The following GARNL3 variants were observed in gnomAD, a reference collection of about 807,000 sequenced individuals.
GARNL3 encodes the protein GTPase-activating Rap/Ran-GAP domain-like protein 3.
Under a neutral mutation model 125.0 loss-of-function variants are expected in GARNL3, and 63 were observed. The ratio of observed to expected loss-of-function variants is 0.50; its 90% CI spans 0.41 to 0.62. The LOEUF (loss-of-function observed/expected upper bound fraction) is 0.62. GARNL3 is among the 20% of genes least tolerant of loss of function. The probability of loss-of-function intolerance (pLI) is 0.00; values close to 1 mark genes in which losing one functional copy is unlikely to be tolerated. For synonymous variants in GARNL3, 439 were observed against 457.5 expected (o/e 0.96, Z 0.52); for missense variants, 994 against 1,244.0 (o/e 0.80, Z 3.02).
chr9:127,298,436 C>T (rs1302603717), intron 2 of GARNL3, among the ~76,000 whole-genome samples: 1 of 152,200 alleles, frequency 6.6e-6, no homozygotes, highest in African/African-American at 2.4e-5. Context: ...ACTTCAGCCT[C>T]CCAAAGCACT....
At chr9:127,295,206 C>T (rs2064551518) in intron 2 of GARNL3, among the ~76,000 whole-genome samples, 1 of 152,246 alleles carries the variant, frequency 6.6e-6, no homozygotes, top group Admixed American at 6.5e-5. Flanking sequence ...CATGTACTTA[C>T]ATGCCACAGG....
At chr9:127,227,914 T>C (rs1369414432) in intron 1 of GARNL3, among the ~76,000 whole-genome samples, 1 of 152,200 alleles carries the variant, frequency 6.6e-6, no homozygotes, top group Admixed American at 6.5e-5. Flanking sequence ...AGCAAGACCC[T>C]ATCTCAATAA....
upstream of GARNL3, among the ~76,000 whole-genome samples, chr9:127,260,262 C>T (rs1014909119): frequency 1.3e-5 from 2 of 152,110 alleles, no homozygotes; most frequent in Non-Finnish European, 2.9e-5. Flanking sequence ...TAACAGGTTT[C>T]CCAGGATTCC....
upstream of GARNL3, among the ~76,000 whole-genome samples, chr9:127,261,130 C>T (rs2063580049): frequency 6.6e-6 from 1 of 152,010 alleles, no homozygotes; most frequent in African/African-American, 2.4e-5. Context: ...GTGGCGGGCA[C>T]CTGTAATCCC....
At chr9:127,243,926 GGCA>G (rs945808816) in intron 2 of GARNL3, among the ~76,000 whole-genome samples, 14 of 152,288 alleles carry the variant, frequency 9.2e-5, no homozygotes, top group African/African-American at 3.1e-4. Context: ...GGGAATCAAA[GGCA>G]GCCAGATGCA....
chr9:127,362,500 T>C (rs967706127), intron 21 of GARNL3: 1 of 152,246 alleles, frequency 6.6e-6, no homozygotes, highest in African/African-American at 2.4e-5. Context: ...CCAGAGACCA[T>C]GTTCCCACAG....
chr9:127,353,800 G>A (rs372257389), intron 17 of GARNL3, 46 bp from the exon 18 acceptor site: 8 of 1,297,950 alleles, frequency 6.2e-6, no homozygotes, highest in African/African-American at 2.9e-5. Context: ...GTTCTGGAAA[G>A]CGTGGGCTGG....
intron 1 of GARNL3, among the ~76,000 whole-genome samples, chr9:127,224,991 G>C (rs1448904526): frequency 6.8e-6 from 1 of 146,648 alleles, no homozygotes; most frequent in African/African-American, 2.5e-5. Context: ...GCTGGAGTTG[G>C]GAGCGGGGCC....
chr9:127,244,457 T>C (rs904964277), intron 2 of GARNL3, among the ~76,000 whole-genome samples: 3 of 152,186 alleles, frequency 2.0e-5, no homozygotes, highest in Non-Finnish European at 4.4e-5. Context: ...ACGTGAAAAT[T>C]ACCCAGGGTA....
intron 1 of GARNL3, among the ~76,000 whole-genome samples, chr9:127,231,992 T>C (rs540016086): frequency 6.6e-6 from 1 of 152,224 alleles, no homozygotes; most frequent in Non-Finnish European, 1.5e-5. Flanking sequence ...CCAGAATCTT[T>C]CCTGCAACAA....
At chr9:127,329,873 T>C (rs2131555460) in intron 7 of GARNL3, among the ~76,000 whole-genome samples, 1 of 152,278 alleles carries the variant, frequency 6.6e-6, no homozygotes, top group South Asian at 2.1e-4. Flanking sequence ...GGGTCCTTTC[T>C]GGTTTTAGCA....
At chr9:127,339,586 G>A in intron 12 of GARNL3, 59 bp from the exon 13 acceptor site, 1 of 1,227,504 alleles carries the variant, frequency 8.1e-7, no homozygotes. Flanking sequence ...CGATTTGGGT[G>A]GGGACACAGC....
At chr9:127,388,477 C>G in intron 25 of GARNL3, 1 of 205,388 alleles carries the variant, frequency 4.9e-6, no homozygotes, top group East Asian at 1.4e-4. Context: ...CCAGCACATG[C>G]AGTCTTTCAC....
At chr9:127,374,168 G>A (rs1434305679) in intron 22 of GARNL3, among the ~76,000 whole-genome samples, 2 of 152,184 alleles carry the variant, frequency 1.3e-5, no homozygotes, top group East Asian at 3.9e-4. Context: ...AGGCGTGGTG[G>A]CTCATGCCTG....
At chr9:127,245,002 G>A (rs529879023) in intron 2 of GARNL3, among the ~76,000 whole-genome samples, 1 of 151,764 alleles carries the variant, frequency 6.6e-6, no homozygotes. Context: ...AGGACGGGAG[G>A]GAACCCAGGG....
chr9:127,393,152 T>C lies in GARNL3; in HGVS notation c.2940T>C (p.Ser980=). 1 of 1,613,260 alleles carries C rather than the reference T, an allele frequency of 6.2e-7. No individual in the cohort carries two copies. Among genetic ancestry groups the C allele is most frequent in the Non-Finnish European group, 8.5e-7 (1 of 1,179,216 alleles). The stretch of plus-strand genomic sequence containing the variant: ...ACCCTGAGGGGCACTCAGCCAGCTC[T>C]GACCAGGACCCTGTGGCAGACAGAG... The part of the protein sequence containing the change: ...EANPEGHSAS[S]DQDPVADREG... The change falls in exon 28 of 28, where the codon TCT becomes TCC. Residue 980 remains serine, a synonymous_variant. Transcript: ENST00000373387.
chr9:127,263,026 G>A (rs192975182), upstream of GARNL3, among the ~76,000 whole-genome samples: 61 of 152,318 alleles, frequency 4.0e-4, no homozygotes, highest in Admixed American at 7.8e-4. Context: ...CCCACTATTA[G>A]CAAGCATCCC....
At chr9:127,387,151 A>T in intron 24 of GARNL3, 42 bp from the exon 25 acceptor site, 1 of 1,590,682 alleles carries the variant, frequency 6.3e-7, no homozygotes, top group Admixed American at 1.7e-5. Context: ...TGCAAGGCCT[A>T]GAACACCAGG....
intron 1 of GARNL3, among the ~76,000 whole-genome samples, chr9:127,277,348 C>T (rs886940133): frequency 4.0e-5 from 6 of 151,226 alleles, no homozygotes; most frequent in African/African-American, 7.3e-5. Flanking sequence ...GGCACTTTCT[C>T]TTGCTCTCCC....
Sources: allele counts gnomAD v4.1 joint callset (sites outside exome capture counted in the v4.1 genomes callset), GRCh38; gene constraint gnomAD v4.1.1; transcripts MANE v1.5; gene names NCBI Gene and HGNC (gene_info 2026-07-23, HGNC 2026-07-21).